Variants in PTPN11 observed in about 807,000 individuals in gnomAD.
PTPN11 encodes protein tyrosine phosphatase non-receptor type 11, also known as tyrosine-protein phosphatase non-receptor type 11.
In PTPN11, 6 loss-of-function variants were observed where a neutral mutation model predicts 78.8. That is an observed-to-expected ratio of 0.08 (90% CI 0.04 to 0.15). The LOEUF is 0.15. Ranked by LOEUF, PTPN11 falls within the 10% of genes least tolerant of loss-of-function variation. The pLI, the probability that PTPN11 is intolerant of heterozygous loss-of-function variation, is 1.00. For missense variants in PTPN11, 386 were observed against 744.8 expected (o/e 0.52, Z 5.61); for synonymous variants, 221 against 263.5 (o/e 0.84, Z 1.56).
intron 1 of PTPN11, among the ~76,000 whole-genome samples, chr12:112,436,382 A>G (rs571448403): frequency 8.5e-5 from 13 of 152,292 alleles, no homozygotes; most frequent in South Asian, 8.3e-4. Flanking sequence ...CCTATGAGGT[A>G]AACACTATTA....
At chr12:112,502,052 C>CTT in intron 13 of PTPN11, 92 bp from the exon 14 acceptor site, 1 of 1,007,594 alleles carries the variant, frequency 9.9e-7, no homozygotes, top group Admixed American at 2.0e-5. Context: ...CTTTCTCCCT[C>CTT]TTTTTTCTTT....
chr12:112,467,218 GGATCAGGACAT>G lies in PTPN11; in HGVS notation c.757-5725_757-5715del, dbSNP rs2038342993. Among the ~76,000 whole-genome samples, 3 of 152,266 alleles carry G rather than the reference GGATCAGGACAT, an allele frequency of 2.0e-5. No individual in the cohort carries two copies. The South Asian group carries it at 6.2e-4, about 32-fold the overall frequency. On this transcript the variant is annotated intron_variant, in intron 6 of 15. Transcript: ENST00000351677. ...CGTTGGGTACTCACATGTACAACAT[GGATCAGGACAT>G]TGACTTTCTGTGGATACCTTTTAAT...
intron 3 of PTPN11, 28 bp from the exon 4 acceptor site, chr12:112,453,167 A>T (rs1020069193): frequency 1.3e-6 from 2 of 1,589,848 alleles, no homozygotes; most frequent in African/African-American, 2.7e-5. Context: ...GTAGAGCTAA[A>T]TTCTTTTTTA....
At chr12:112,479,930 T>C (rs962206247) in intron 9 of PTPN11, among the ~76,000 whole-genome samples, 1 of 152,208 alleles carries the variant, frequency 6.6e-6, no homozygotes, top group Non-Finnish European at 1.5e-5. Flanking sequence ...TGGGTATTGA[T>C]TCTCTCCACA....
intron 13 of PTPN11, among the ~76,000 whole-genome samples, chr12:112,495,500 G>A (rs577863490): frequency 3.3e-5 from 5 of 152,278 alleles, no homozygotes; most frequent in Admixed American, 2.0e-4. Flanking sequence ...ATTGTTAAGT[G>A]TTCTCATCAC....
In PTPN11 at chr12:112,477,899, A is replaced by G. The variant is rs2038532080; in HGVS notation, c.976A>G (p.Ser326Gly). ...TKCNNSKPKK[S>G]YIATQGCLQN... ...GTGCAACAATTCAAAGCCCAAAAAG[A>G]GTTACATTGCCACACAAGGCTGCCT... Residue 326 changes from serine to glycine, a missense_variant, in exon 9 of 16, where the codon AGT becomes GGT. Transcript: ENST00000351677. The G allele has an allele frequency of 6.2e-7, 1 of 1,614,104 alleles. No individual in the cohort carries two copies. The highest frequency in any genetic ancestry group is 1.7e-5 in the Admixed American group (1 of 60,008).
rs533747196 is a variant in PTPN11, at chr12:112,449,975, G to A, written c.138-343G>A. On this transcript the variant is annotated intron_variant, in intron 2 of 15. Transcript: ENST00000351677. ...AGCTTCTTGGGAGGCTGAGGTAGGAGAATCACTTGAACCTGGATTTATAAT... is the reference window on the plus strand; with the variant it reads ...AGCTTCTTGGGAGGCTGAGGTAGGAAAATCACTTGAACCTGGATTTATAAT... Among the ~76,000 whole-genome samples the A allele has an allele frequency of 2.0e-5, 3 of 151,824 alleles. No individual in the cohort carries two copies. In the South Asian group the frequency reaches 6.2e-4, roughly 32 times the overall value.
chr12:112,469,265 C>T (rs2038377140), intron 6 of PTPN11, among the ~76,000 whole-genome samples: 1 of 151,994 alleles, frequency 6.6e-6, no homozygotes, highest in South Asian at 2.1e-4. Flanking sequence ...AAGGCTTTCT[C>T]TTTTTCATCC....
At chr12:112,425,541 G>A (rs1231860135) in intron 1 of PTPN11, among the ~76,000 whole-genome samples, 1 of 152,120 alleles carries the variant, frequency 6.6e-6, no homozygotes, top group Non-Finnish European at 1.5e-5. Context: ...ACAAGAAACT[G>A]AAATTAGACT....
At chr12:112,440,950 TTTTTC>T (rs1240670537) in intron 1 of PTPN11, among the ~76,000 whole-genome samples, 2 of 150,774 alleles carry the variant, frequency 1.3e-5, no homozygotes, top group African/African-American at 2.5e-5. Context: ...AGCTTTACGA[TTTTTC>T]TTTTCTTTTC....
chr12:112,437,858 AG>A (rs1485705261), intron 1 of PTPN11, among the ~76,000 whole-genome samples: 1 of 152,162 alleles, frequency 6.6e-6, no homozygotes, highest in Non-Finnish European at 1.5e-5. Context: ...GAATAGGTTC[AG>A]AGAGGCTCCC....
chr12:112,464,589 ATTT>A (rs1346165293), intron 6 of PTPN11, among the ~76,000 whole-genome samples: 9 of 151,800 alleles, frequency 5.9e-5, no homozygotes, highest in Admixed American at 5.9e-4. Context: ...CTCTCAGCTA[ATTT>A]TTTTGTATTT....
At chr12:112,446,125 A>G (rs541963596) in intron 1 of PTPN11, 151 bp from the exon 2 acceptor site, 2 of 951,652 alleles carry the variant, frequency 2.1e-6, no homozygotes. Flanking sequence ...GCATTGACCA[A>G]GGAGAAGAGG....
At position 112,453,183 on chromosome 12, in the gene PTPN11, T is replaced by C; in HGVS notation, c.333-12T>C. On this transcript the variant is annotated splice_polypyrimidine_tract_variant and intron_variant, in intron 3 of 15. Coordinates refer to ENST00000351677, the MANE Select transcript of PTPN11 (RefSeq NM_002834.5). ...TAGAGCTAAATTCTTTTTTATTTTT[T>C]AAAAACTTTAGGTGGTTTCATGGAC... 6.2e-7 allele frequency: 1 copy of C among 1,608,886 alleles called. No individual in the cohort carries two copies. The highest frequency in any genetic ancestry group is 1.1e-5 in the South Asian group (1 of 90,832).
At chr12:112,479,733 A>G (rs1055828036) in intron 9 of PTPN11, among the ~76,000 whole-genome samples, 1 of 152,116 alleles carries the variant, frequency 6.6e-6, no homozygotes, top group Non-Finnish European at 1.5e-5. Context: ...AGAAGACATG[A>G]GGATTGTGAA....
chr12:112,443,359 CTTT>C (rs546004663), intron 1 of PTPN11, among the ~76,000 whole-genome samples: 3 of 138,600 alleles, frequency 2.2e-5, no homozygotes, highest in Admixed American at 7.3e-5. Context: ...ATGGTTGTAT[CTTT>C]TTTTTTTTTT....
chr12:112,450,246 A>G, intron 2 of PTPN11, 72 bp from the exon 3 acceptor site: 1 of 1,375,570 alleles, frequency 7.3e-7, no homozygotes, highest in Non-Finnish European at 1.0e-6. Context: ...CCGACGTGGA[A>G]GATGAGATCT....
chr12:112,424,956 TTGTGTGTGTGTGTGTGTGTG>T (rs34463047), intron 1 of PTPN11, among the ~76,000 whole-genome samples: 1,346 of 89,098 alleles, frequency 0.015, 26 homozygotes, highest in African/African-American at 0.052. Flanking sequence ...GTCAGGCTAA[TTGTGTGTGTGTGTGTGTGTG>T]TGTGTGTGTG....
chr12:112,446,129 G>T, intron 1 of PTPN11, 147 bp from the exon 2 acceptor site: 1 of 981,738 alleles, frequency 1.0e-6, no homozygotes, highest in South Asian at 1.4e-5. Context: ...TGACCAAGGA[G>T]AAGAGGGGGA....
Sources: gnomAD v4.1 joint callset for allele counts (sites outside exome capture counted in the v4.1 genomes callset) on GRCh38, gnomAD v4.1.1 for gene constraint, MANE v1.5 for transcripts, NCBI Gene and HGNC (gene_info 2026-07-23, HGNC 2026-07-21) for gene names.